The following DISP1 variants were observed in gnomAD, a reference collection of about 807,000 sequenced individuals.
The protein encoded by DISP1 is protein dispatched homolog 1.
A neutral mutation model predicts 37.3 loss-of-function variants in DISP1; 30 were observed. The observed-to-expected ratio is 0.80, with a 90% confidence interval of 0.60 to 1.09. The LOEUF (loss-of-function observed/expected upper bound fraction) is 1.09. Ranked by LOEUF, DISP1 falls within the 50% of genes least tolerant of loss-of-function variation. DISP1 has a pLI of 0.00. For missense variants in DISP1, 1,598 were observed against 1,879.5 expected (o/e 0.85, Z 2.77); for synonymous variants, 634 against 690.2 (o/e 0.92, Z 1.28).
At chr1:222,985,754 A>T (rs1678232350) in intron 4 of DISP1, among the ~76,000 whole-genome samples, 1 of 152,194 alleles carries the variant, frequency 6.6e-6, no homozygotes, top group South Asian at 2.1e-4. Flanking sequence ...AAATTCCCTG[A>T]GGGCAAGATC....
intron 3 of DISP1, chr1:222,946,007 C>T (rs554371366): frequency 7.2e-4 from 110 of 152,016 alleles, no homozygotes; most frequent in African/African-American, 2.6e-3. Flanking sequence ...CCACAATTGT[C>T]CATCAAAAAA....
intron 3 of DISP1, among the ~76,000 whole-genome samples, chr1:222,968,316 A>G (rs577231159): frequency 6.6e-6 from 1 of 152,254 alleles, no homozygotes; most frequent in South Asian, 2.1e-4. Flanking sequence ...TTTTCCCACT[A>G]TTCTCCTGCC....
At chr1:222,876,370 A>G (rs1400353463) in intron 1 of DISP1, among the ~76,000 whole-genome samples, 3 of 152,188 alleles carry the variant, frequency 2.0e-5, no homozygotes, top group Non-Finnish European at 4.4e-5. Context: ...ACTTTGGTGA[A>G]CAGTTTTGCA....
At chr1:222,947,639 G>C (rs1335145525) in intron 3 of DISP1, among the ~76,000 whole-genome samples, 6 of 152,114 alleles carry the variant, frequency 3.9e-5, no homozygotes, top group Admixed American at 3.9e-4. Context: ...TTCCATAGTG[G>C]CTGCACCATT....
At chr1:222,972,536 G>A (rs1677038384) in intron 3 of DISP1, among the ~76,000 whole-genome samples, 3 of 152,118 alleles carry the variant, frequency 2.0e-5, no homozygotes, top group African/African-American at 4.8e-5. Flanking sequence ...AATCCAGTAA[G>A]TTGTGATCCT....
intron 2 of DISP1, among the ~76,000 whole-genome samples, chr1:222,939,565 GTAATCC>G (rs1356001146): frequency 3.3e-5 from 5 of 151,344 alleles, no homozygotes; most frequent in East Asian, 2.0e-4. Context: ...GCTCACGCCT[GTAATCC>G]TAATCCCAGC....
At chr1:222,887,249 T>A (rs1269015695) in intron 1 of DISP1, among the ~76,000 whole-genome samples, 1 of 152,212 alleles carries the variant, frequency 6.6e-6, no homozygotes, top group Non-Finnish European at 1.5e-5. Context: ...GGCACATTTT[T>A]AAAATACTTG....
intron 1 of DISP1, among the ~76,000 whole-genome samples, chr1:222,912,359 A>G (rs1429009215): frequency 6.6e-6 from 1 of 152,072 alleles, no homozygotes; most frequent in Non-Finnish European, 1.5e-5. Flanking sequence ...AGCATAAAGC[A>G]CCTACTTTTT....
intron 3 of DISP1, among the ~76,000 whole-genome samples, chr1:222,954,936 C>T (rs1418073064): frequency 1.4e-5 from 2 of 145,608 alleles, no homozygotes; most frequent in African/African-American, 5.0e-5. Flanking sequence ...AGGAACATGG[C>T]AATAAGTGGT....
intron 2 of DISP1, among the ~76,000 whole-genome samples, chr1:222,938,152 C>T (rs1235995953): frequency 1.3e-5 from 2 of 152,098 alleles, no homozygotes; most frequent in Non-Finnish European, 2.9e-5. Context: ...GGATTACAGG[C>T]ATGAGCCACT....
intron 3 of DISP1, among the ~76,000 whole-genome samples, chr1:222,978,159 T>A (rs978421568): frequency 2.0e-5 from 3 of 152,238 alleles, no homozygotes; most frequent in African/African-American, 7.2e-5. Context: ...GTGTTCCTAT[T>A]TGTCTACATC....
chr1:222,909,755 T>C (rs543563208), intron 1 of DISP1, among the ~76,000 whole-genome samples: 1 of 152,306 alleles, frequency 6.6e-6, no homozygotes, highest in African/African-American at 2.4e-5. Flanking sequence ...TAAGTAGGCC[T>C]GGAACTCTGA....
chr1:222,923,268 T>C (rs1672907928), intron 1 of DISP1, among the ~76,000 whole-genome samples: 1 of 152,196 alleles, frequency 6.6e-6, no homozygotes, highest in Admixed American at 6.5e-5. Flanking sequence ...AGTAAGACTG[T>C]CTGTAGTGAT....
intron 1 of DISP1, among the ~76,000 whole-genome samples, chr1:222,870,538 C>T (rs1669487056): frequency 6.6e-6 from 1 of 152,280 alleles, no homozygotes; most frequent in South Asian, 2.1e-4. Flanking sequence ...CTCTCATGGC[C>T]AGTGATGATG....
intron 1 of DISP1, chr1:222,837,324 A>G (rs1252529172): frequency 2.7e-6 from 1 of 372,084 alleles, no homozygotes; most frequent in Non-Finnish European, 4.8e-6. Context: ...TCTCCACCCT[A>G]GGTTATCCAC....
intron 1 of DISP1, among the ~76,000 whole-genome samples, chr1:222,892,912 T>C (rs1468585763): frequency 1.3e-5 from 2 of 152,236 alleles, no homozygotes; most frequent in African/African-American, 4.8e-5. Context: ...GGAATGTTTG[T>C]CATGAAATAA....
At chr1:222,821,262 T>G (rs1057158499) in intron 1 of DISP1, among the ~76,000 whole-genome samples, 1 of 152,218 alleles carries the variant, frequency 6.6e-6, no homozygotes, top group Non-Finnish European at 1.5e-5. Flanking sequence ...GCATGTGAAG[T>G]AACTTTTCTA....
intron 3 of DISP1, among the ~76,000 whole-genome samples, chr1:222,955,805 A>T (rs556585739): frequency 3.4e-4 from 51 of 152,208 alleles, no homozygotes; most frequent in Non-Finnish European, 6.0e-4. Context: ...CAGTTCCTAA[A>T]TAAGACTTTT....
intron 3 of DISP1, among the ~76,000 whole-genome samples, chr1:222,944,563 T>C (rs1373695537): frequency 6.6e-6 from 1 of 152,200 alleles, no homozygotes; most frequent in Non-Finnish European, 1.5e-5. Context: ...TATACAAAAG[T>C]GTAACCCATA....
Sources: gnomAD v4.1 joint callset for allele counts (sites outside exome capture counted in the v4.1 genomes callset) on GRCh38, gnomAD v4.1.1 for gene constraint, MANE v1.5 for transcripts, NCBI Gene and HGNC (gene_info 2026-07-23, HGNC 2026-07-21) for gene names.